The following PCDHGA12 variants were observed in gnomAD, a reference collection of about 807,000 sequenced individuals.
PCDHGA12 encodes protocadherin gamma-A12.
A neutral mutation model predicts 61.1 loss-of-function variants in PCDHGA12; 43 were observed. The observed-to-expected ratio is 0.70, with a 90% CI of 0.55 to 0.91. PCDHGA12 has a LOEUF of 0.91. PCDHGA12 is among the 40% of genes least tolerant of loss of function. PCDHGA12 has a pLI of 0.00. For synonymous variants in PCDHGA12, 520 were observed against 542.9 expected (o/e 0.96, Z 0.59); for missense variants, 1,236 against 1,227.7 (o/e 1.01, Z -0.10).
Position 141,476,511 on chromosome 5 carries a change from A to G in PCDHGA12, c.2425-18296A>G, listed in dbSNP as rs1562054650. Reference sequence around the variant, plus strand: ...GTGATCCAGGACATCAACGACAACAATCCTGCTTTCCCTACCCAGGAAATG... The same window carrying G: ...GTGATCCAGGACATCAACGACAACAGTCCTGCTTTCCCTACCCAGGAAATG... On this transcript the variant is annotated intron_variant, in intron 1 of 3. Transcript: ENST00000252085. The surrounding 1 kb of genome is among the most constrained non-coding windows in gnomAD (Gnocchi z 7.6). The G allele has an allele frequency of 5.0e-6, 8 of 1,613,902 alleles. No individual in the cohort carries two copies. The highest frequency in any genetic ancestry group is 6.8e-6 in the Non-Finnish European group (8 of 1,179,960).
In PCDHGA12 at chr5:141,490,701, C is replaced by T; in HGVS notation, c.2425-4106C>T. On this transcript the variant is annotated intron_variant, in intron 1 of 3. Transcript: ENST00000252085. This position sits in a 1 kb window ranked among gnomAD's most constrained non-coding sequence, Gnocchi z 5.4. Reference sequence around the variant, plus strand: ...CAGATCCAGACACTGGGGATAATGCCCGCCTCACCTACTCCATTGTAGGAA... The same window carrying T: ...CAGATCCAGACACTGGGGATAATGCTCGCCTCACCTACTCCATTGTAGGAA... The T allele has an allele frequency of 6.2e-7, 1 of 1,614,184 alleles. No individual in the cohort carries two copies. The highest frequency in any genetic ancestry group is 8.5e-7 in the Non-Finnish European group (1 of 1,180,008).
At chr5:141,450,008 T>C (rs78952430) in intron 1 of PCDHGA12, among the ~76,000 whole-genome samples, 2 of 37,390 alleles carry the variant, frequency 5.3e-5, no homozygotes, top group African/African-American at 6.8e-4. Flanking sequence ...CCATGTCTCT[T>C]TTTTTTTTTT....
In PCDHGA12 at chr5:141,511,116, G is replaced by A. The variant is rs2099883616; in HGVS notation, c.2742G>A (p.Lys914=). Residue 914 remains lysine, a synonymous_variant, in exon 4 of 4, where the codon AAG becomes AAA. Transcript: ENST00000252085. The stretch of plus-strand genomic sequence containing the variant: ...ACGCAGCTGGCAAGCGGGATGGCAA[G>A]GCCCCAGCAGGTGGCAATGGCAACA... ...LTNAAGKRDG[K]APAGGNGNKK... The A allele has an allele frequency of 1.9e-6, 3 of 1,614,234 alleles. No individual in the cohort carries two copies. The highest frequency in any genetic ancestry group is 2.5e-6 in the Non-Finnish European group (3 of 1,180,026).
At chr5:141,501,809 A>G (rs2099811165) in intron 2 of PCDHGA12, among the ~76,000 whole-genome samples, 1 of 152,176 alleles carries the variant, frequency 6.6e-6, no homozygotes, top group African/African-American at 2.4e-5. Flanking sequence ...ACCCAGCTTC[A>G]CATAATTGGC....
At chr5:141,463,296 C>T (rs1194250577) in intron 1 of PCDHGA12, among the ~76,000 whole-genome samples, 1 of 151,986 alleles carries the variant, frequency 6.6e-6, no homozygotes, top group African/African-American at 2.4e-5. Flanking sequence ...CTCCTAATCT[C>T]CCCAAACTCT....
chr5:141,505,436 T>C lies in PCDHGA12; in HGVS notation c.2527T>C (p.Phe843Leu). 1.2e-6 allele frequency: 2 copies of C among 1,614,118 alleles called. No homozygotes were observed. The highest frequency in any genetic ancestry group is 1.7e-6 in the Non-Finnish European group (2 of 1,179,998). ...DDTGTWPNNQ[F>L]DTEMLQAMIL... is the part of the protein sequence containing the mutation. ...CACCGGCACCTGGCCCAACAACCAG[T>C]TTGACACAGAGATGCTGCAAGCCAT... Residue 843 changes from phenylalanine (F) to leucine (L), a missense_variant, in exon 3 of 4, where the codon TTT becomes CTT. Phe to Leu is a conservative substitution (Grantham distance 22). Coordinates refer to ENST00000252085, the MANE Select transcript of PCDHGA12 (RefSeq NM_003735.3).
At position 141,489,335 on chromosome 5, in the gene PCDHGA12, G is replaced by C. The variant is rs138015049; in HGVS notation, c.2425-5472G>C. 1.4e-5 allele frequency: 22 copies of C among 1,607,364 alleles called. No individual in the cohort carries two copies. Among genetic ancestry groups the C allele is most frequent in the Non-Finnish European group, 1.9e-5 (22 of 1,175,842 alleles). The stretch of plus-strand genomic sequence containing the variant: ...TGGGGCTGGGTGTCTGGGCAGCTTC[G>C]TTACTCAGTGGTGGAGGAGTCTGAG... On this transcript the variant is annotated intron_variant, in intron 1 of 3. Transcript: ENST00000252085. This position sits in a 1 kb window ranked among gnomAD's most constrained non-coding sequence, Gnocchi z 4.5.
intron 1 of PCDHGA12, among the ~76,000 whole-genome samples, chr5:141,457,046 T>A (rs2098905373): frequency 6.6e-6 from 1 of 152,198 alleles, no homozygotes; most frequent in South Asian, 2.1e-4. Flanking sequence ...ATAGTAAAAC[T>A]TTCATGCTTC....
Position 141,430,922 on chromosome 5 carries a change from G to A in PCDHGA12, c.163G>A (p.Glu55Lys). 1.2e-6 allele frequency: 2 copies of A among 1,607,168 alleles called. No homozygotes were observed. Among genetic ancestry groups the A allele is most frequent in the South Asian group, 2.2e-5 (2 of 89,950 alleles). The change falls in exon 1 of 4, where the codon GAG (glutamate) becomes AAG (lysine). Residue 55 changes from glutamate (E) to lysine (K), a missense_variant. Transcript: ENST00000252085. ...CGACATCTCCAGGGACCTGGGGCTG[G>A]AGCCCCGGGAGCTCGCGGAGCGCGG... ...VGDISRDLGL[E>K]PRELAERGVR...
intron 3 of PCDHGA12, 40 bp downstream of exon 3, chr5:141,505,521 T>C: frequency 1.9e-6 from 3 of 1,612,684 alleles, no homozygotes; most frequent in Non-Finnish European, 2.5e-6. Context: ...GTGGGAGACC[T>C]GGGGTTCTGG....
At chr5:141,454,428 CAG>C (rs1412897540) in intron 1 of PCDHGA12, among the ~76,000 whole-genome samples, 1 of 152,172 alleles carries the variant, frequency 6.6e-6, no homozygotes, top group Admixed American at 6.5e-5. Flanking sequence ...TATTTAGAGA[CAG>C]AGTTTCACTC....
chr5:141,432,452 C>G lies in PCDHGA12; in HGVS notation c.1693C>G (p.Pro565Ala). The G allele has an allele frequency of 6.2e-7, 1 of 1,614,212 alleles. No individual in the cohort carries two copies. The highest frequency in any genetic ancestry group is 8.5e-7 in the Non-Finnish European group (1 of 1,180,042). Residue 565 changes from proline (P) to alanine (A), a missense_variant, in exon 1 of 4, where the codon CCC becomes GCC. Coordinates refer to ENST00000252085, the MANE Select transcript of PCDHGA12 (RefSeq NM_003735.3). The surrounding 1 kb of genome is among the most constrained non-coding windows in gnomAD (Gnocchi z 6.0). ...QNDNAPEILY[P>A]ALPTDGSTGV... is the part of the protein sequence containing the mutation. ...CGACAATGCGCCCGAGATCCTGTACCCCGCCCTCCCCACGGACGGTTCCAC... is the reference window on the plus strand; with the variant it reads ...CGACAATGCGCCCGAGATCCTGTACGCCGCCCTCCCCACGGACGGTTCCAC...
intron 1 of PCDHGA12, among the ~76,000 whole-genome samples, chr5:141,471,928 G>A (rs1328213264): frequency 6.6e-6 from 1 of 152,152 alleles, no homozygotes; most frequent in African/African-American, 2.4e-5. Context: ...TTTTGGGGGT[G>A]ATGAGAGTTT....
chr5:141,432,014 A>C lies in PCDHGA12; in HGVS notation c.1255A>C (p.Asn419His), dbSNP rs778393699. ...VLDREQVPSY[N>H]ITVTATDRGT... Reference sequence around the variant, plus strand: ...GGATAGGGAACAGGTTCCTAGCTACAACATCACAGTGACCGCCACTGACCG... The same window carrying C: ...GGATAGGGAACAGGTTCCTAGCTACCACATCACAGTGACCGCCACTGACCG... The change falls in exon 1 of 4, where the codon AAC (asparagine) becomes CAC (histidine). Residue 419 changes from asparagine to histidine, a missense_variant. Physicochemically the swap from Asn to His is moderately conservative, Grantham distance 68. Transcript: ENST00000252085. This position sits in a 1 kb window ranked among gnomAD's most constrained non-coding sequence, Gnocchi z 6.0. 16 of 1,614,196 alleles carry C rather than the reference A, an allele frequency of 9.9e-6. 1 individual carries two copies. In the South Asian group the frequency reaches 1.6e-4, roughly 17 times the overall value.
rs2099684984 is a variant in PCDHGA12 at position 141,489,278 on chromosome 5, G to A, written c.2425-5529G>A. ...ACACTCCCACAGCTCGCTGGGAAAT[G>A]GCAAGTGCTGTGCATGTTGTCCTTG... is the stretch of plus-strand genomic sequence containing the variant. On this transcript the variant is annotated intron_variant, in intron 1 of 3. Transcript: ENST00000252085. The surrounding 1 kb of genome is among the most constrained non-coding windows in gnomAD (Gnocchi z 4.5). The A allele has an allele frequency of 6.4e-7, 1 of 1,561,298 alleles. No homozygotes were observed. The highest frequency in any genetic ancestry group is 2.2e-5 in the East Asian group (1 of 44,520).
At chr5:141,474,002 G>A (rs1020912365) in intron 1 of PCDHGA12, among the ~76,000 whole-genome samples, 5 of 152,078 alleles carry the variant, frequency 3.3e-5, no homozygotes, top group Non-Finnish European at 5.9e-5. Context: ...CCAAGGAGCT[G>A]GAAGTTACAG....
chr5:141,494,528 G>A lies in PCDHGA12; in HGVS notation c.2425-279G>A, dbSNP rs189993899. On this transcript the variant is annotated intron_variant, in intron 1 of 3. Coordinates refer to ENST00000252085, the MANE Select transcript of PCDHGA12 (RefSeq NM_003735.3). ...ATTTTGGCTCAGGAGTTCTGACTCTGGGGGCAGGGAGGAAGGGGCCATTTC... is the reference window on the plus strand; with the variant it reads ...ATTTTGGCTCAGGAGTTCTGACTCTAGGGGCAGGGAGGAAGGGGCCATTTC... 3.0e-4 allele frequency among the ~76,000 whole-genome samples: 45 copies of A among 152,274 alleles called. 1 individual carries two copies. Among genetic ancestry groups the A allele is most frequent in the African/African-American group, 1.0e-3 (42 of 41,542 alleles).
chr5:141,510,613 C>T (rs559713771), intron 3 of PCDHGA12, among the ~76,000 whole-genome samples: 17 of 152,298 alleles, frequency 1.1e-4, no homozygotes, highest in Admixed American at 2.0e-4. Context: ...TTAGCATTCA[C>T]TAAAACCAGA....
intron 1 of PCDHGA12, among the ~76,000 whole-genome samples, chr5:141,453,996 C>T (rs2098779349): frequency 6.6e-6 from 1 of 152,128 alleles, no homozygotes; most frequent in Admixed American, 6.6e-5. Context: ...GTGATAAACC[C>T]ACATAACATT....
Sources: allele counts gnomAD v4.1 joint callset (sites outside exome capture counted in the v4.1 genomes callset), GRCh38; gene constraint gnomAD v4.1.1; non-coding constraint Gnocchi (gnomAD v3.1); transcripts MANE v1.5; gene names NCBI Gene and HGNC (gene_info 2026-07-23, HGNC 2026-07-21).